Variants in XRCC2 observed in about 807,000 individuals in gnomAD.
XRCC2 encodes X-ray repair cross complementing 2.
A neutral mutation model predicts 27.3 loss-of-function variants in XRCC2; 24 were observed. The ratio of observed to expected loss-of-function variants is 0.88; its 90% CI spans 0.64 to 1.24. XRCC2 has a LOEUF of 1.24. Ranked by LOEUF, XRCC2 falls within the 50% of genes most tolerant of loss-of-function variation. XRCC2 has a pLI of 0.00. For missense variants in XRCC2, 321 were observed against 325.8 expected (o/e 0.99, Z 0.11); for synonymous variants, 106 against 115.4 (o/e 0.92, Z 0.52).
chr7:152,660,555 TTC>T (rs2098032630), intron 2 of XRCC2, 144 bp downstream of exon 2: 2 of 605,298 alleles, frequency 3.3e-6, no homozygotes, highest in Admixed American at 3.6e-5. Context: ...CTTAAAAGCT[TTC>T]TGTCACAACC....
In XRCC2 at chr7:152,676,089, G is replaced by A. The variant is rs377067415; in HGVS notation, c.-10C>T. 1.9e-6 allele frequency: 3 copies of A among 1,613,692 alleles called. No individual in the cohort carries two copies. The highest frequency in any genetic ancestry group is 1.3e-5 in the African/African-American group (1 of 74,938). On this transcript the variant is annotated 5_prime_UTR_variant, in exon 1 of 3. Transcript: ENST00000359321. ...GGAAGGCACTACACATCGCCCCGAA[G>A]GCTCGGCGCAGGAGAGACTCAACTT...
chr7:152,662,976 C>T (rs1448892667), intron 1 of XRCC2, among the ~76,000 whole-genome samples: 4 of 151,988 alleles, frequency 2.6e-5, no homozygotes, highest in East Asian at 1.9e-4. Flanking sequence ...ATTTCTGTTG[C>T]GTATGAAGCA....
intron 1 of XRCC2, among the ~76,000 whole-genome samples, chr7:152,665,186 C>T (rs944427343): frequency 6.6e-6 from 1 of 152,124 alleles, no homozygotes; most frequent in Non-Finnish European, 1.5e-5. Flanking sequence ...TCCAAGTGAA[C>T]GTTACTTCAA....
chr7:152,648,429 G>T lies in XRCC2; in HGVS notation c.*213C>A. ...TTTCAAAAAGAAAAAAAAAAAAAAA[G>T]AAAACTTTTGGCCACGAGCAGTGGC... On this transcript the variant is annotated 3_prime_UTR_variant, in exon 3 of 3. Coordinates refer to ENST00000359321, the MANE Select transcript of XRCC2 (RefSeq NM_005431.2). 6 of 314,430 alleles carry T rather than the reference G, an allele frequency of 1.9e-5. No individual in the cohort carries two copies. The highest frequency in any genetic ancestry group is 2.8e-5 in the Non-Finnish European group (5 of 180,268). 19.5% of individuals were successfully genotyped at this position (314,430 alleles called of 1,614,324 possible). A position where few individuals can be genotyped will look rare whatever the true frequency, so the allele number is the denominator to read the frequency against.
At chr7:152,664,623 G>A (rs546812857) in intron 1 of XRCC2, among the ~76,000 whole-genome samples, 2 of 152,264 alleles carry the variant, frequency 1.3e-5, no homozygotes, top group African/African-American at 2.4e-5. Context: ...CTGGCTCTCA[G>A]CCCTTCAGAC....
Position 152,648,721 on chromosome 7 carries a change from A to C in XRCC2, c.764T>G (p.Leu255Ter), listed in dbSNP as rs765220928. 3.7e-6 allele frequency: 6 copies of C among 1,613,268 alleles called. No individual in the cohort carries two copies. Residue 255 changes from leucine to a stop codon, truncating the protein, a stop_gained, in exon 3 of 3, where the codon TTA becomes TGA. Coordinates refer to ENST00000359321, the MANE Select transcript of XRCC2 (RefSeq NM_005431.2). LOFTEE classifies it high-confidence loss of function. Reference protein sequence around the residue: ...DDSQSSNQFSLVSRCLKSNSL... With the variant: ...DDSQSSNQFS ...GTTACTTTTTAAACAACGTGAAACTAATGAAAATTGGTTGCTGCTTTGAGA... is the reference window on the plus strand; with the variant it reads ...GTTACTTTTTAAACAACGTGAAACTCATGAAAATTGGTTGCTGCTTTGAGA...
At chr7:152,666,587 A>C (rs902304735) in intron 1 of XRCC2, among the ~76,000 whole-genome samples, 1 of 151,850 alleles carries the variant, frequency 6.6e-6, no homozygotes, top group African/African-American at 2.4e-5. Flanking sequence ...CAAGACTGAA[A>C]GAGTATAACT....
intron 1 of XRCC2, among the ~76,000 whole-genome samples, chr7:152,670,122 G>A (rs2098037579): frequency 6.6e-6 from 1 of 152,052 alleles, no homozygotes; most frequent in South Asian, 2.1e-4. Context: ...AGAGAGAAAT[G>A]CCTTTTTTCC....
In XRCC2 at chr7:152,649,102, A is replaced by G. The variant is rs143220835; in HGVS notation, c.383T>C (p.Leu128Pro). The change falls in exon 3 of 3, where the codon CTT (leucine) becomes CCT (proline). Residue 128 changes from leucine (L) to proline (P), a missense_variant. Leu to Pro is a moderately conservative substitution (Grantham distance 98, BLOSUM62 -3). Coordinates refer to ENST00000359321, the MANE Select transcript of XRCC2 (RefSeq NM_005431.2). The part of the protein sequence containing the change: ...VYCSSSTHLL[L>P]TLYSLESMFC... Reference sequence around the variant, plus strand: ...CATACTTTCTAGTGAGTAAAGTGTAAGAAGTAAGTGGGTGCTACTACTGCA... The same window carrying G: ...CATACTTTCTAGTGAGTAAAGTGTAGGAAGTAAGTGGGTGCTACTACTGCA... 3.1e-6 allele frequency: 5 copies of G among 1,614,076 alleles called. No homozygotes were observed. The highest frequency in any genetic ancestry group is 3.4e-6 in the Non-Finnish European group (4 of 1,180,046).
chr7:152,653,832 A>G (rs750350616), intron 2 of XRCC2, among the ~76,000 whole-genome samples: 5 of 152,162 alleles, frequency 3.3e-5, no homozygotes, highest in Non-Finnish European at 5.9e-5. Context: ...TCAAAATGGT[A>G]TGGGTTTTTT....
chr7:152,648,933 T>C lies in XRCC2; in HGVS notation c.552A>G (p.Val184=). 1 of 1,614,214 alleles carries C rather than the reference T, an allele frequency of 6.2e-7. No individual in the cohort carries two copies. The highest frequency in any genetic ancestry group is 8.5e-7 in the Non-Finnish European group (1 of 1,180,048). The change falls in exon 3 of 3, where the codon GTA becomes GTG. Residue 184 remains valine (V), a synonymous_variant. Transcript: ENST00000359321. Reference sequence around the variant, plus strand: ...CAAAAAGAACCAGGCGATAGTCATTTACAAGCTTCTCTAAGCACTGAGAAC... The same window carrying C: ...CAAAAAGAACCAGGCGATAGTCATTCACAAGCTTCTCTAAGCACTGAGAAC... The part of the protein sequence containing the change: ...RKCSQCLEKL[V]NDYRLVLFAT...
intron 2 of XRCC2, among the ~76,000 whole-genome samples, chr7:152,653,365 G>A (rs549058195): frequency 2.0e-5 from 3 of 152,208 alleles, no homozygotes; most frequent in East Asian, 3.9e-4. Context: ...TATCAGCAGC[G>A]TAAAAATGGA....
chr7:152,668,420 T>C (rs998122709), intron 1 of XRCC2, among the ~76,000 whole-genome samples: 8 of 152,144 alleles, frequency 5.3e-5, no homozygotes, highest in South Asian at 2.1e-4. Flanking sequence ...AAATCTGACA[T>C]AGGCCTATTA....
At chr7:152,669,141 G>A (rs1015343311) in intron 1 of XRCC2, among the ~76,000 whole-genome samples, 1 of 152,270 alleles carries the variant, frequency 6.6e-6, no homozygotes, top group African/African-American at 2.4e-5. Context: ...CACTTTGAGA[G>A]GCTGAGGCAG....
intron 1 of XRCC2, among the ~76,000 whole-genome samples, chr7:152,666,308 C>T (rs1416773068): frequency 6.6e-6 from 1 of 151,876 alleles, no homozygotes; most frequent in Non-Finnish European, 1.5e-5. Context: ...ACCTCTTGGG[C>T]CCATGCAATC....
rs1435337206 is a variant in XRCC2 at position 152,649,359 on chromosome 7, A to C, written c.126T>G (p.Asp42Glu). The change falls in exon 3 of 3, where the codon GAT (aspartate) becomes GAG (glutamate). Residue 42 changes from aspartate to glutamate, a missense_variant. Coordinates refer to ENST00000359321, the MANE Select transcript of XRCC2 (RefSeq NM_005431.2). The stretch of plus-strand genomic sequence containing the variant: ...CTTCTGGGCCATGAAATTCAAGAAT[A>C]TCACCTGTGTAAAATTTAAAAATCT... ...FADEDSPVHGDILEFHGPEGT... is the reference protein window; with the variant it reads ...FADEDSPVHGEILEFHGPEGT... 2.5e-6 allele frequency: 4 copies of C among 1,571,650 alleles called. No homozygotes were observed. In the Admixed American group the frequency reaches 7.6e-5, roughly 30 times the overall value.
At chr7:152,669,441 C>T (rs534216316) in intron 1 of XRCC2, among the ~76,000 whole-genome samples, 1 of 152,146 alleles carries the variant, frequency 6.6e-6, no homozygotes, top group African/African-American at 2.4e-5. Context: ...CAGAGTCTCA[C>T]TCTGTCGCCC....
intron 1 of XRCC2, among the ~76,000 whole-genome samples, chr7:152,674,031 G>T (rs1590139742): frequency 6.6e-6 from 1 of 152,122 alleles, no homozygotes; most frequent in East Asian, 1.9e-4. Context: ...TGGCCACATA[G>T]TTCCCAAGAC....
chr7:152,669,261 G>A (rs1331235943), intron 1 of XRCC2, among the ~76,000 whole-genome samples: 1 of 152,104 alleles, frequency 6.6e-6, no homozygotes, highest in Admixed American at 6.6e-5. Flanking sequence ...GCCATCTGAG[G>A]TCCTGTCTGG....
Sources: gnomAD v4.1 joint callset for allele counts (sites outside exome capture counted in the v4.1 genomes callset) on GRCh38, gnomAD v4.1.1 for gene constraint, MANE v1.5 for transcripts, NCBI Gene and HGNC (gene_info 2026-07-23, HGNC 2026-07-21) for gene names.